Variants in DOCK1 observed in about 807,000 individuals in gnomAD.
The protein encoded by DOCK1 is dedicator of cytokinesis 1.
A neutral mutation model predicts 262.7 loss-of-function variants in DOCK1; 138 were observed. That is an observed-to-expected ratio of 0.53 (90% CI 0.46 to 0.61). The LOEUF (loss-of-function observed/expected upper bound fraction) is 0.61, where lower values mean the gene tolerates loss of function less well. DOCK1 is among the 20% of genes least tolerant of loss of function. DOCK1 has a pLI of 0.00. For missense variants in DOCK1, 1,908 were observed against 2,370.7 expected, an observed-to-expected ratio of 0.80 and a Z score of 4.05; for synonymous variants, 866 against 867.4, an observed-to-expected ratio of 1.00 and a Z score of 0.03.
chr10:127,144,358 T>A (rs2051581728), intron 27 of DOCK1, among the ~76,000 whole-genome samples: 1 of 152,180 alleles, frequency 6.6e-6, no homozygotes, highest in South Asian at 2.1e-4. Flanking sequence ...CAGCATTGTC[T>A]CTAGGTTTCC....
In DOCK1 at chr10:127,176,024, C is replaced by A; in HGVS notation, c.2847+48260C>A. On this transcript the variant is annotated intron_variant, in intron 27 of 51. Transcript: ENST00000623213. This position sits in a 1 kb window ranked among gnomAD's most constrained non-coding sequence, Gnocchi z 4.4. ...CAGCTGGGAGGCTTTTGAGGTTCCC[C>A]TTTTTGCGGTCCAGAGGGAACGTCT... The A allele has an allele frequency of 6.2e-7, 1 of 1,614,154 alleles. No homozygotes were observed. The highest frequency in any genetic ancestry group is 8.5e-7 in the Non-Finnish European group (1 of 1,180,026).
At chr10:127,140,382 G>A (rs1471812206) in intron 27 of DOCK1, among the ~76,000 whole-genome samples, 3 of 152,172 alleles carry the variant, frequency 2.0e-5, no homozygotes, top group African/African-American at 7.2e-5. Context: ...CTTGGTAGAG[G>A]GCACTTATGA....
intron 29 of DOCK1, among the ~76,000 whole-genome samples, chr10:127,323,128 C>G (rs1428371053): frequency 6.6e-6 from 1 of 152,090 alleles, no homozygotes; most frequent in East Asian, 1.9e-4. Flanking sequence ...TGTGGTGCAT[C>G]TGGCATCCGA....
At chr10:127,025,874 C>A (rs1184101796) in intron 15 of DOCK1, 1 of 165,606 alleles carries the variant, frequency 6.0e-6, no homozygotes. Flanking sequence ...GCCAGCCTAA[C>A]ATGGAAAAAC....
rs141172509 is a variant in DOCK1 at position 127,384,714 on chromosome 10, G to A, written c.3808-76G>A. 318 of 1,443,190 alleles carry A rather than the reference G, an allele frequency of 2.2e-4. 3 individuals are homozygous for A. In the East Asian group the frequency reaches 7.5e-3, roughly 34 times the overall value. 89.4% of individuals were successfully genotyped at this position (1,443,190 alleles called of 1,614,324 possible). ...AGAACCGCGGCCCACACGCGTGTCCGATGCGAAGCTCACACCATTCTGACG... is the reference window on the plus strand; with the variant it reads ...AGAACCGCGGCCCACACGCGTGTCCAATGCGAAGCTCACACCATTCTGACG... On this transcript the variant is annotated intron_variant, in intron 37 of 51. Transcript: ENST00000623213.
At chr10:127,302,739 GGGGTGT>G (rs371386091) in intron 29 of DOCK1, among the ~76,000 whole-genome samples, 7,702 of 124,444 alleles carry the variant, frequency 0.062, 399 homozygotes, top group African/African-American at 0.15. Flanking sequence ...TGGAAAAGAG[GGGGTGT>G]GTGTGTGTGT....
intron 33 of DOCK1, among the ~76,000 whole-genome samples, chr10:127,372,250 C>T (rs1157785848): frequency 6.6e-6 from 1 of 152,136 alleles, no homozygotes; most frequent in East Asian, 1.9e-4. Context: ...GCGTCTGTGT[C>T]CATTTGGAGG....
At chr10:127,362,856 T>TAC (rs1565026504) in intron 33 of DOCK1, among the ~76,000 whole-genome samples, 615 of 5,356 alleles carry the variant, frequency 0.11, 58 homozygotes, top group Middle Eastern at 0.2. Context: ...CACACACATG[T>TAC]ACATCCCCAC....
At chr10:127,035,781 G>A (rs1015834496) in intron 18 of DOCK1, among the ~76,000 whole-genome samples, 10 of 151,934 alleles carry the variant, frequency 6.6e-5, no homozygotes, top group African/African-American at 9.7e-5. Context: ...AGGCTGAGGC[G>A]TGAGGTTCAC....
intron 10 of DOCK1, among the ~76,000 whole-genome samples, chr10:127,002,235 A>C (rs1205196447): frequency 6.6e-6 from 1 of 152,164 alleles, no homozygotes; most frequent in Non-Finnish European, 1.5e-5. Context: ...GACATCTTTG[A>C]CAACACACGG....
intron 27 of DOCK1, among the ~76,000 whole-genome samples, chr10:127,240,147 C>T (rs1183752810): frequency 6.6e-6 from 1 of 151,972 alleles, no homozygotes; most frequent in Non-Finnish European, 1.5e-5. Context: ...GATACTAGTA[C>T]TCTATAAATT....
At chr10:127,440,759 G>A (rs2070062117) in intron 49 of DOCK1, among the ~76,000 whole-genome samples, 1 of 152,254 alleles carries the variant, frequency 6.6e-6, no homozygotes, top group South Asian at 2.1e-4. Flanking sequence ...GTGGGTAGGT[G>A]CTGTGGCTGC....
chr10:127,130,907 C>T (rs2050284724), intron 27 of DOCK1, among the ~76,000 whole-genome samples: 3 of 152,146 alleles, frequency 2.0e-5, no homozygotes, highest in African/African-American at 7.2e-5. Flanking sequence ...CTGAGCTGCT[C>T]CTAGATCCCT....
At chr10:126,925,724 C>G (rs963816535) in intron 1 of DOCK1, among the ~76,000 whole-genome samples, 31 of 141,204 alleles carry the variant, frequency 2.2e-4, no homozygotes, top group African/African-American at 2.9e-4. Flanking sequence ...ATTGCAGAGT[C>G]TGTGTGTGTG....
intron 29 of DOCK1, among the ~76,000 whole-genome samples, chr10:127,319,782 C>T (rs1037919695): frequency 5.9e-5 from 9 of 152,238 alleles, no homozygotes; most frequent in Non-Finnish European, 1.3e-4. Context: ...GTCTGCTCGG[C>T]TCTGCCTTAC....
chr10:127,208,556 G>GT (rs1270212708), intron 27 of DOCK1, among the ~76,000 whole-genome samples: 1 of 152,034 alleles, frequency 6.6e-6, no homozygotes, highest in Non-Finnish European at 1.5e-5. Context: ...CTTAACATGA[G>GT]TTTTTTCACT....
chr10:127,073,183 G>A (rs1464055723), intron 23 of DOCK1, among the ~76,000 whole-genome samples: 5 of 152,324 alleles, frequency 3.3e-5, no homozygotes, highest in Middle Eastern at 6.8e-3. Flanking sequence ...CAAAGGAAAG[G>A]TATTGCATGC....
chr10:127,410,840 T>G lies in DOCK1; in HGVS notation c.4344T>G (p.Ser1448Arg). 6.2e-7 allele frequency: 1 copy of G among 1,613,604 alleles called. No homozygotes were observed. The highest frequency in any genetic ancestry group is 8.5e-7 in the Non-Finnish European group (1 of 1,179,780). The change falls in exon 43 of 52, where the codon AGT (serine) becomes AGG (arginine). Residue 1448 changes from serine (S) to arginine (R), a missense_variant and splice_region_variant. By Grantham distance (110) the Ser-to-Arg change is moderately radical. Coordinates refer to ENST00000623213, the MANE Select transcript of DOCK1 (RefSeq NM_001290223.2). ...TAATGATCTGTCTGTCTCTGTACAG[T>G]TTTTACAGGGTGAACGAGGTCCAGC... ...FHRPVSEQIV[S>R]FYRVNEVQRF...
intron 1 of DOCK1, among the ~76,000 whole-genome samples, chr10:126,906,205 C>T (rs1004886795): frequency 2.0e-5 from 3 of 152,174 alleles, no homozygotes; most frequent in African/African-American, 7.2e-5. Context: ...TCCGGGAGAG[C>T]GGGGGCCTGT....
Sources: gnomAD v4.1 joint callset for allele counts (sites outside exome capture counted in the v4.1 genomes callset) on GRCh38, gnomAD v4.1.1 for gene constraint, Gnocchi (gnomAD v3.1) non-coding constraint, MANE v1.5 for transcripts, NCBI Gene and HGNC (gene_info 2026-07-23, HGNC 2026-07-21) for gene names.